The following TANGO6 variants were observed in gnomAD, a reference collection of about 807,000 sequenced individuals.
The protein encoded by TANGO6 is transport and Golgi organization protein 6 homolog.
In TANGO6, 90 loss-of-function variants were observed where a neutral mutation model predicts 114.2. The observed-to-expected ratio is 0.79, with a 90% CI of 0.66 to 0.94. TANGO6 has a LOEUF of 0.94. Ranked by LOEUF, TANGO6 falls within the 40% of genes least tolerant of loss-of-function variation. The pLI, the probability that TANGO6 is intolerant of heterozygous loss-of-function variation, is 0.00. For missense variants in TANGO6, 1,274 were observed against 1,315.3 expected, an observed-to-expected ratio of 0.97 and a Z score of 0.49; for synonymous variants, 477 against 509.8, an observed-to-expected ratio of 0.94 and a Z score of 0.87.
In TANGO6 at chr16:68,859,890, GC is replaced by G. The variant is rs1241091209; in HGVS notation, c.102del (p.Ser35GlnfsTer16). ...LKLLLSPGGS[G>X]SSSLQVTKHD... is the part of the protein sequence containing the mutation. Reference sequence around the variant, plus strand: ...TTTTTTTCTTCTTCAAAAGGCTCGGGCTCAAGTTCACTACAGGTCACAAAAC... The same window carrying G: ...TTTTTTTCTTCTTCAAAAGGCTCGGGTCAAGTTCACTACAGGTCACAAAAC... On this transcript the variant is annotated frameshift_variant, in exon 2 of 18. Transcript: ENST00000261778. LOFTEE classifies it high-confidence loss of function. 4 of 1,560,556 alleles carry G rather than the reference GC, an allele frequency of 2.6e-6. No homozygotes were observed. The highest frequency in any genetic ancestry group is 2.6e-6 in the Non-Finnish European group (3 of 1,157,304).
At chr16:68,970,137 G>A (rs192503682) in intron 14 of TANGO6, among the ~76,000 whole-genome samples, 61 of 152,246 alleles carry the variant, frequency 4.0e-4, no homozygotes, top group African/African-American at 1.4e-3. Context: ...CACCTGGAGG[G>A]GGAGAAAGTG....
chr16:68,857,247 C>T (rs1962010409), intron 1 of TANGO6, among the ~76,000 whole-genome samples: 1 of 152,186 alleles, frequency 6.6e-6, no homozygotes, highest in Non-Finnish European at 1.5e-5. Context: ...TGGAATTATA[C>T]AGAATACAGC....
intron 6 of TANGO6, among the ~76,000 whole-genome samples, chr16:68,878,851 T>G (rs1962411527): frequency 1.3e-5 from 2 of 151,994 alleles, no homozygotes; most frequent in Non-Finnish European, 2.9e-5. Flanking sequence ...GGCGGGCAGA[T>G]TGCTTGAGCC....
intron 15 of TANGO6, among the ~76,000 whole-genome samples, chr16:68,987,118 A>G (rs1455672783): frequency 1.3e-5 from 2 of 150,794 alleles, no homozygotes; most frequent in African/African-American, 4.9e-5. Context: ...GACATCATTT[A>G]TTCAACCATT....
chr16:69,078,893 A>G (rs1183555256), intron 17 of TANGO6, among the ~76,000 whole-genome samples: 1 of 151,926 alleles, frequency 6.6e-6, no homozygotes, highest in African/African-American at 2.4e-5. Flanking sequence ...ACAGGCATGC[A>G]CCACCACGCC....
chr16:68,880,752 T>G (rs1027077851), intron 7 of TANGO6, 122 bp downstream of exon 7: 73 of 543,880 alleles, frequency 1.3e-4, no homozygotes, highest in Non-Finnish European at 2.2e-4. Flanking sequence ...CTTGAACTCC[T>G]GGCCTCAAGC....
At chr16:69,013,118 CT>C (rs774665555) in intron 15 of TANGO6, among the ~76,000 whole-genome samples, 221 of 143,928 alleles carry the variant, frequency 1.5e-3, no homozygotes, top group Middle Eastern at 3.7e-3. Context: ...AGTTACACAC[CT>C]TTTTTTTTTT....
chr16:68,947,669 G>T (rs1963430342), intron 14 of TANGO6, among the ~76,000 whole-genome samples: 1 of 141,222 alleles, frequency 7.1e-6, no homozygotes, highest in African/African-American at 2.7e-5. Flanking sequence ...ACAGCTCACT[G>T]CACGCTCTGC....
chr16:68,911,059 A>G (rs1300348236), intron 11 of TANGO6, among the ~76,000 whole-genome samples: 3 of 152,202 alleles, frequency 2.0e-5, no homozygotes, highest in African/African-American at 7.2e-5. Context: ...ATTAGGGATC[A>G]AGATTTTTAG....
At chr16:68,923,089 G>C (rs1039486299) in intron 12 of TANGO6, among the ~76,000 whole-genome samples, 20 of 150,884 alleles carry the variant, frequency 1.3e-4, no homozygotes, top group Non-Finnish European at 2.5e-4. Context: ...CTGGGATTAC[G>C]GTCATGCACC....
At chr16:68,983,585 G>A (rs1963861398) in intron 15 of TANGO6, among the ~76,000 whole-genome samples, 2 of 152,142 alleles carry the variant, frequency 1.3e-5, no homozygotes, top group Admixed American at 6.5e-5. Flanking sequence ...GCCCATGGAG[G>A]GAGAGGCCTG....
At chr16:68,925,130 G>C (rs1186828378) in intron 12 of TANGO6, among the ~76,000 whole-genome samples, 1 of 152,036 alleles carries the variant, frequency 6.6e-6, no homozygotes, top group Admixed American at 6.6e-5. Context: ...CGGCAACATG[G>C]CAAAACCCTG....
intron 15 of TANGO6, among the ~76,000 whole-genome samples, chr16:68,983,100 T>G (rs1963855587): frequency 6.6e-6 from 1 of 152,118 alleles, no homozygotes. Flanking sequence ...TCCTCCTGCC[T>G]TGGCTGCTCA....
intron 14 of TANGO6, among the ~76,000 whole-genome samples, chr16:68,947,028 A>G (rs937767822): frequency 2.0e-5 from 3 of 152,210 alleles, no homozygotes; most frequent in Non-Finnish European, 2.9e-5. Flanking sequence ...TCGTTTTTCA[A>G]GATTACACAG....
chr16:68,965,802 A>G (rs1236997548), intron 14 of TANGO6, among the ~76,000 whole-genome samples: 1 of 152,152 alleles, frequency 6.6e-6, no homozygotes, highest in Non-Finnish European at 1.5e-5. Flanking sequence ...CTGTCTCAAA[A>G]TAACAATAAT....
At chr16:68,851,927 A>G (rs1340635190) in intron 1 of TANGO6, among the ~76,000 whole-genome samples, 3 of 152,218 alleles carry the variant, frequency 2.0e-5, no homozygotes, top group African/African-American at 7.2e-5. Flanking sequence ...AAGATTGATC[A>G]TATGTTCATG....
intron 1 of TANGO6, chr16:68,846,402 A>T (rs1325027425): frequency 4.5e-6 from 1 of 222,592 alleles, no homozygotes; most frequent in East Asian, 1.8e-4. Flanking sequence ...ACTGAAGTAC[A>T]TGAAGAAAAC....
intron 17 of TANGO6, among the ~76,000 whole-genome samples, chr16:69,078,323 G>C (rs1482672640): frequency 1.3e-5 from 2 of 152,200 alleles, no homozygotes; most frequent in Non-Finnish European, 2.9e-5. Flanking sequence ...ATGCTGATCA[G>C]GAATATCGAA....
chr16:69,000,158 C>T (rs1323641590), intron 15 of TANGO6, among the ~76,000 whole-genome samples: 1 of 152,156 alleles, frequency 6.6e-6, no homozygotes, highest in African/African-American at 2.4e-5. Flanking sequence ...ATAGAAGTTT[C>T]ACATAATTTT....
Sources: gnomAD v4.1 joint callset for allele counts (sites outside exome capture counted in the v4.1 genomes callset) on GRCh38, gnomAD v4.1.1 for gene constraint, MANE v1.5 for transcripts, NCBI Gene and HGNC (gene_info 2026-07-23, HGNC 2026-07-21) for gene names.